The following AMOTL1 variants were observed in gnomAD, a reference collection of about 807,000 sequenced individuals.
AMOTL1 encodes angiomotin like 1, also known as angiomotin-like protein 1.
In AMOTL1, 45 loss-of-function variants were observed where a neutral mutation model predicts 102.9. The ratio of observed to expected loss-of-function variants is 0.44; its 90% confidence interval spans 0.34 to 0.56. The LOEUF (loss-of-function observed/expected upper bound fraction) is 0.56, where lower values mean the gene tolerates loss of function less well. Among genes scored for constraint, AMOTL1 ranks in the 20% least tolerant of loss-of-function variants. The pLI is 0.01. For missense variants in AMOTL1, 1,114 were observed against 1,225.6 expected (o/e 0.91, Z 1.36); for synonymous variants, 481 against 484.7 (o/e 0.99, Z 0.10).
intron 3 of AMOTL1, among the ~76,000 whole-genome samples, chr11:94,754,512 G>A (rs558742861): frequency 8.5e-5 from 13 of 152,342 alleles, no homozygotes; most frequent in African/African-American, 3.1e-4. Context: ...ATGCCTCACA[G>A]TGTCTGTTTT....
intron 1 of AMOTL1, among the ~76,000 whole-genome samples, chr11:94,708,312 A>G (rs1949964788): frequency 6.6e-6 from 1 of 152,186 alleles, no homozygotes; most frequent in Non-Finnish European, 1.5e-5. Context: ...TGACTCTTGT[A>G]GGTGCTTTAA....
intron 1 of AMOTL1, among the ~76,000 whole-genome samples, chr11:94,708,154 C>T (rs1026198822): frequency 1.3e-5 from 2 of 152,176 alleles, no homozygotes; most frequent in South Asian, 4.1e-4. Flanking sequence ...CCCCTTAGCT[C>T]GTCCCCCCTG....
At chr11:94,735,533 C>T (rs977235007) in intron 2 of AMOTL1, among the ~76,000 whole-genome samples, 2 of 152,150 alleles carry the variant, frequency 1.3e-5, no homozygotes, top group Non-Finnish European at 2.9e-5. Context: ...GACTTTTCTT[C>T]TATGACTTTT....
At position 94,803,896 on chromosome 11, in the gene AMOTL1, CA is replaced by C. The variant is rs1951523839; in HGVS notation, c.1121+3588del. Reference sequence around the variant, plus strand: ...TACACCCACTAACATTTTTCCTGTACAAATTAATTTTTTCACATTATAATGA... The same window carrying C: ...TACACCCACTAACATTTTTCCTGTACAATTAATTTTTTCACATTATAATGA... On this transcript the variant is annotated intron_variant, in intron 3 of 12. Transcript: ENST00000433060. Among the ~76,000 whole-genome samples, 2 of 152,164 alleles carry C rather than the reference CA, an allele frequency of 1.3e-5. 1 individual carries two copies. The highest frequency in any genetic ancestry group is 4.8e-5 in the African/African-American group (2 of 41,426).
At position 94,873,528 on chromosome 11, in the gene AMOTL1, T is replaced by C. The variant is rs1305926173; in HGVS notation, c.*2733T>C. Reference sequence around the variant, plus strand: ...GTATGCAAACAGTGTGGTAAATACCTTTTAATTAGTCCTCCACCCACCTGG... The same window carrying C: ...GTATGCAAACAGTGTGGTAAATACCCTTTAATTAGTCCTCCACCCACCTGG... On this transcript the variant is annotated 3_prime_UTR_variant, in exon 13 of 13. Coordinates refer to ENST00000433060, the MANE Select transcript of AMOTL1 (RefSeq NM_130847.3). 6.6e-6 allele frequency: 1 copy of C among 152,232 alleles called. No homozygotes were observed. Among genetic ancestry groups the C allele is most frequent in the Non-Finnish European group, 1.5e-5 (1 of 68,034 alleles). 9.4% of individuals were successfully genotyped at this position (152,232 alleles called of 1,614,324 possible). A position where few individuals can be genotyped will look rare whatever the true frequency, so the allele number is the denominator to read the frequency against.
chr11:94,803,047 A>G (rs1037667512), intron 3 of AMOTL1, among the ~76,000 whole-genome samples: 2 of 152,218 alleles, frequency 1.3e-5, no homozygotes, highest in African/African-American at 4.8e-5. Context: ...CCTCTGATGG[A>G]GATCATGGAG....
At chr11:94,821,920 T>G in intron 4 of AMOTL1, 99 bp downstream of exon 4, 2 of 1,444,332 alleles carry the variant, frequency 1.4e-6, no homozygotes, top group Non-Finnish European at 1.9e-6. Flanking sequence ...AGTAGACCCC[T>G]TTTTATACTA....
intron 1 of AMOTL1, among the ~76,000 whole-genome samples, chr11:94,711,110 T>C (rs1409129946): frequency 6.6e-6 from 1 of 152,112 alleles, no homozygotes; most frequent in East Asian, 1.9e-4. Context: ...AATGTGAATA[T>C]TAAGTTTTCT....
chr11:94,833,278 A>G lies in AMOTL1; in HGVS notation c.1648+1737A>G, dbSNP rs565324227. On this transcript the variant is annotated intron_variant, in intron 6 of 12. Coordinates refer to ENST00000433060, the MANE Select transcript of AMOTL1 (RefSeq NM_130847.3). ...CAATTTTCTTACACCTAATCTTTGC[A>G]GGACACTTTGTGCCTTCACAGCTTT... 2.0e-5 allele frequency among the ~76,000 whole-genome samples: 3 copies of G among 152,362 alleles called. No homozygotes were observed. The South Asian group carries it at 6.2e-4, about 32-fold the overall frequency.
chr11:94,742,777 A>C (rs1209356745), intron 3 of AMOTL1, among the ~76,000 whole-genome samples: 2 of 152,176 alleles, frequency 1.3e-5, no homozygotes, highest in Non-Finnish European at 2.9e-5. Context: ...TGGGAATTCT[A>C]AGATCAAGAA....
chr11:94,714,902 G>A (rs901963527), intron 1 of AMOTL1, among the ~76,000 whole-genome samples: 2 of 150,962 alleles, frequency 1.3e-5, no homozygotes, highest in South Asian at 2.1e-4. Flanking sequence ...TTTTCCTTCC[G>A]CTTGACTTCG....
intron 8 of AMOTL1, among the ~76,000 whole-genome samples, chr11:94,858,513 G>T (rs986871575): frequency 2.6e-5 from 4 of 152,116 alleles, no homozygotes; most frequent in Admixed American, 6.5e-5. Flanking sequence ...TTAATCTAGG[G>T]GATTATGTGG....
At chr11:94,730,422 C>T (rs1375966007) in intron 2 of AMOTL1, among the ~76,000 whole-genome samples, 3 of 152,168 alleles carry the variant, frequency 2.0e-5, no homozygotes, top group Non-Finnish European at 4.4e-5. Flanking sequence ...GGATCTCTTC[C>T]TGCCACCACC....
chr11:94,712,747 A>T (rs1390524246), intron 1 of AMOTL1, among the ~76,000 whole-genome samples: 2 of 151,800 alleles, frequency 1.3e-5, no homozygotes, highest in Non-Finnish European at 2.9e-5. Context: ...CCTTTATTAG[A>T]TGTATGGTTT....
intron 6 of AMOTL1, among the ~76,000 whole-genome samples, chr11:94,847,129 A>C (rs1322735476): frequency 2.0e-5 from 3 of 152,338 alleles, no homozygotes; most frequent in Non-Finnish European, 4.4e-5. Flanking sequence ...AGAGGTCTAC[A>C]AAACACCCCA....
intron 3 of AMOTL1, among the ~76,000 whole-genome samples, chr11:94,744,113 G>A (rs56269807): frequency 6.6e-6 from 1 of 152,212 alleles, no homozygotes; most frequent in South Asian, 2.1e-4. Context: ...TAAGAGCTCA[G>A]TCCTGCAAGA....
intron 2 of AMOTL1, among the ~76,000 whole-genome samples, chr11:94,732,999 G>A (rs1039461874): frequency 6.6e-6 from 1 of 152,228 alleles, no homozygotes; most frequent in Non-Finnish European, 1.5e-5. Context: ...CAGTCTGTGT[G>A]CCAAACATTG....
In AMOTL1 at chr11:94,794,808, T is replaced by C. The variant is rs187029955; in HGVS notation, c.50-203T>C. Among the ~76,000 whole-genome samples the C allele has an allele frequency of 4.2e-3, 637 of 152,332 alleles. 3 individuals carry two copies. The highest frequency in any genetic ancestry group is 6.3e-3 in the Non-Finnish European group (430 of 68,022). ...CAGTGTGTCTTGAGGACTGTTATGT[T>C]GACCTCACGGGTCATTTTGGTGGGT... On this transcript the variant is annotated intron_variant, in intron 1 of 12. Coordinates refer to ENST00000433060, the MANE Select transcript of AMOTL1 (RefSeq NM_130847.3).
intron 3 of AMOTL1, among the ~76,000 whole-genome samples, chr11:94,802,450 C>G (rs1321012675): frequency 6.6e-6 from 1 of 152,180 alleles, no homozygotes; most frequent in Non-Finnish European, 1.5e-5. Flanking sequence ...TATGTACATA[C>G]CGTGCAATGC....
Sources: allele counts gnomAD v4.1 joint callset (sites outside exome capture counted in the v4.1 genomes callset), GRCh38; gene constraint gnomAD v4.1.1; transcripts MANE v1.5; gene names NCBI Gene and HGNC (gene_info 2026-07-23, HGNC 2026-07-21).